The following TRNT1 variants were observed in gnomAD, a reference collection of about 807,000 sequenced individuals.
TRNT1 encodes tRNA nucleotidyl transferase 1.
Under a neutral mutation model 45.6 loss-of-function variants are expected in TRNT1, and 44 were observed. That is an observed-to-expected ratio of 0.97 (90% confidence interval 0.76 to 1.24). The LOEUF is 1.24. Ranked by LOEUF, TRNT1 falls within the 50% of genes most tolerant of loss-of-function variation. TRNT1 has a pLI of 0.00. For synonymous variants in TRNT1, 201 were observed against 171.4 expected (o/e 1.17, Z -1.35); for missense variants, 633 against 504.4 (o/e 1.25, Z -2.44).
At chr3:3,151,183 T>C (rs1706517006), downstream of TRNT1, 2 of 886,720 alleles carry the variant, frequency 2.3e-6, no homozygotes. Context: ...ATCCATACAG[T>C]TCCCTGAAAC....
rs769675548 is a variant in TRNT1, at chr3:3,148,062, G to C, written c.1213G>C (p.Gly405Arg). The change falls in exon 8 of 8, where the codon GGG becomes CGG. Residue 405 changes from glycine (G) to arginine (R), a missense_variant. Transcript: ENST00000251607. ...KVGISSGKEIGALLQQLREQW... is the reference protein window; with the variant it reads ...KVGISSGKEIRALLQQLREQW... ...GGGCATTTCTTCAGGAAAAGAAATT[G>C]GGGCTCTATTACAACAGTTGCGAGA... The C allele has an allele frequency of 2.5e-6, 4 of 1,613,906 alleles. No homozygotes were observed. Among genetic ancestry groups the C allele is most frequent in the Non-Finnish European group, 3.4e-6 (4 of 1,179,848 alleles).
intron 3 of TRNT1, among the ~76,000 whole-genome samples, chr3:3,138,768 G>A (rs77259858): frequency 0.031 from 4,709 of 152,190 alleles, 152 homozygotes; most frequent in African/African-American, 0.085. Flanking sequence ...AAAGCTTCCC[G>A]TTCATGTTTC....
At chr3:3,141,440 G>T (rs938432518) in intron 4 of TRNT1, among the ~76,000 whole-genome samples, 1 of 152,132 alleles carries the variant, frequency 6.6e-6, no homozygotes, top group Non-Finnish European at 1.5e-5. Flanking sequence ...AATGGTGAAT[G>T]ACTTCAGCAC....
At chr3:3,149,894 T>C (rs971325561), downstream of TRNT1, 5 of 152,122 alleles carry the variant, frequency 3.3e-5, no homozygotes, top group Non-Finnish European at 7.4e-5. Flanking sequence ...CATACAAATG[T>C]GGAAGGAAGG....
intron 6 of TRNT1, 99 bp from the exon 7 acceptor site, chr3:3,147,351 A>G (rs947579430): frequency 1.5e-6 from 2 of 1,367,818 alleles, no homozygotes; most frequent in African/African-American, 2.9e-5. Flanking sequence ...TATCCTAGTG[A>G]CAAAGCATTT....
intron 3 of TRNT1, among the ~76,000 whole-genome samples, chr3:3,139,006 G>A (rs1320136937): frequency 6.6e-6 from 1 of 152,190 alleles, no homozygotes; most frequent in Non-Finnish European, 1.5e-5. Context: ...GAATACTCCA[G>A]TATTATGCCA....
At chr3:3,149,619 C>CCAGA (rs937748188), downstream of TRNT1, 2 of 152,030 alleles carry the variant, frequency 1.3e-5, no homozygotes, top group Non-Finnish European at 2.9e-5. Context: ...TAGGAACAAA[C>CCAGA]CAGACCAGTG....
At chr3:3,146,654 T>C in intron 6 of TRNT1, 31 bp downstream of exon 6, 2 of 1,499,654 alleles carry the variant, frequency 1.3e-6, no homozygotes, top group South Asian at 1.3e-5. Context: ...GTTTGAATTT[T>C]TGGCAGTGAA....
chr3:3,150,119 C>CTTTTCCCTA (rs746072169), downstream of TRNT1: 1 of 152,114 alleles, frequency 6.6e-6, no homozygotes, highest in Non-Finnish European at 1.5e-5. Flanking sequence ...GTTTTGGCAT[C>CTTTTCCCTA]TTTTCCCTAT....
intron 6 of TRNT1, among the ~76,000 whole-genome samples, chr3:3,146,925 T>C (rs1436637803): frequency 6.6e-6 from 1 of 152,182 alleles, no homozygotes; most frequent in African/African-American, 2.4e-5. Flanking sequence ...TTAAAAGTAA[T>C]GTAGCCTCTA....
intron 2 of TRNT1, among the ~76,000 whole-genome samples, chr3:3,135,987 G>A (rs779654519): frequency 1.3e-5 from 2 of 152,202 alleles, no homozygotes; most frequent in Non-Finnish European, 2.9e-5. Context: ...GTAGAGCTTT[G>A]CAGCGGGTTA....
chr3:3,151,877 G>A (rs1706581615), downstream of TRNT1, among the ~76,000 whole-genome samples: 1 of 152,230 alleles, frequency 6.6e-6, no homozygotes. Flanking sequence ...AATGGGTTCT[G>A]CACCTTCTTA....
chr3:3,137,338 A>G lies in TRNT1; in HGVS notation c.227A>G (p.Gln76Arg). ...VRDLLNGVKP[Q>R]DIDFATTATP... The stretch of plus-strand genomic sequence containing the variant: ...GATTTATTAAATGGAGTAAAGCCTC[A>G]GGATATAGATTTTGCCACCACTGCT... The change falls in exon 3 of 8, where the codon CAG becomes CGG. Residue 76 changes from glutamine (Q) to arginine (R), a missense_variant. Coordinates refer to ENST00000251607, the MANE Select transcript of TRNT1 (RefSeq NM_182916.3). 6.2e-7 allele frequency: 1 copy of G among 1,613,880 alleles called. No individual in the cohort carries two copies. The highest frequency in any genetic ancestry group is 8.5e-7 in the Non-Finnish European group (1 of 1,179,820).
At position 3,135,945 on chromosome 3, in the gene TRNT1, G is replaced by C. The variant is rs147288849; in HGVS notation, c.149-1315G>C. On this transcript the variant is annotated intron_variant, in intron 2 of 7. Coordinates refer to ENST00000251607, the MANE Select transcript of TRNT1 (RefSeq NM_182916.3). ...ATGACTTCTTATAGGAGTTGGGCTT[G>C]TATTGGGTCATTTTGGAGAGCATTT... Among the ~76,000 whole-genome samples the C allele has an allele frequency of 5.2e-3, 785 of 152,290 alleles. 6 individuals are homozygous for C. Among genetic ancestry groups the C allele is most frequent in the African/African-American group, 0.018 (737 of 41,542 alleles).
At chr3:3,133,050 C>T (rs1705112977) in intron 2 of TRNT1, among the ~76,000 whole-genome samples, 1 of 152,158 alleles carries the variant, frequency 6.6e-6, no homozygotes, top group Admixed American at 6.5e-5. Flanking sequence ...TTTCTGATGG[C>T]TGCTATATAG....
At chr3:3,134,540 A>G (rs1347623711) in intron 2 of TRNT1, among the ~76,000 whole-genome samples, 1 of 152,192 alleles carries the variant, frequency 6.6e-6, no homozygotes, top group Non-Finnish European at 1.5e-5. Context: ...CAGCATGAGA[A>G]TCTTAAAACA....
In TRNT1 at chr3:3,148,251, C is replaced by A; in HGVS notation, c.*97C>A. ...TTAGAGACTACACCAGAATAAAAGACAGTTTAGGGGACCTCTGTAGAACAA... is the reference window on the plus strand; with the variant it reads ...TTAGAGACTACACCAGAATAAAAGAAAGTTTAGGGGACCTCTGTAGAACAA... On this transcript the variant is annotated 3_prime_UTR_variant, in exon 8 of 8. Coordinates refer to ENST00000251607, the MANE Select transcript of TRNT1 (RefSeq NM_182916.3). 1 of 1,346,512 alleles carries A rather than the reference C, an allele frequency of 7.4e-7. No homozygotes were observed. The highest frequency in any genetic ancestry group is 1.0e-6 in the Non-Finnish European group (1 of 982,242). 83.4% of individuals were successfully genotyped at this position (1,346,512 alleles called of 1,614,324 possible).
At chr3:3,151,768 A>C (rs1706569495), downstream of TRNT1, among the ~76,000 whole-genome samples, 1 of 151,626 alleles carries the variant, frequency 6.6e-6, no homozygotes, top group African/African-American at 2.4e-5. Context: ...AAAACTGAAG[A>C]TAGTACAGCT....
chr3:3,137,538 G>GA lies in TRNT1; in HGVS notation c.342+89dup. 7 of 1,195,702 alleles carry GA rather than the reference G, an allele frequency of 5.9e-6. No individual in the cohort carries two copies. In the African/African-American group the frequency reaches 7.7e-5, roughly 13 times the overall value. The allele number at this position is 1,195,702 out of a possible 1,614,324, so 74.1% of individuals were successfully genotyped here. ...TTTTCTCTAGTTAAAAGCAAATAAC[G>GA]AAAAGTCTAATAAAAAAGTCAGTCT... is the stretch of plus-strand genomic sequence containing the variant. On this transcript the variant is annotated intron_variant, in intron 3 of 7. Transcript: ENST00000251607.
Sources: gnomAD v4.1 joint callset for allele counts (sites outside exome capture counted in the v4.1 genomes callset) on GRCh38, gnomAD v4.1.1 for gene constraint, MANE v1.5 for transcripts, NCBI Gene and HGNC (gene_info 2026-07-23, HGNC 2026-07-21) for gene names.